The following LRP1B variants were observed in gnomAD, a reference collection of about 807,000 sequenced individuals.
LRP1B encodes the protein LDL receptor related protein 1B.
Under a neutral mutation model 556.6 loss-of-function variants are expected in LRP1B, and 217 were observed. That is an observed-to-expected ratio of 0.39 (90% CI 0.35 to 0.44). LRP1B has a LOEUF of 0.44. Among genes scored for constraint, LRP1B ranks in the 20% least tolerant of loss-of-function variants. The pLI is 1.00. For synonymous variants in LRP1B, 2,047 were observed against 1,865.8 expected, an observed-to-expected ratio of 1.10 and a Z score of -2.50; for missense variants, 5,053 against 5,620.8, an observed-to-expected ratio of 0.90 and a Z score of 3.23.
At chr2:140,831,500 C>G (rs1167425785) in intron 31 of LRP1B, among the ~76,000 whole-genome samples, 1 of 152,106 alleles carries the variant, frequency 6.6e-6, no homozygotes. Context: ...ATTCCTATCT[C>G]TTGCCAAATA....
At chr2:141,530,381 G>A (rs193276940) in intron 2 of LRP1B, among the ~76,000 whole-genome samples, 1 of 152,040 alleles carries the variant, frequency 6.6e-6, no homozygotes, top group Non-Finnish European at 1.5e-5. Flanking sequence ...GGAGGGAACT[G>A]TTCTTTTCAC....
chr2:141,624,039 A>AAAAAAAAT (rs1559185701), intron 2 of LRP1B, among the ~76,000 whole-genome samples: 1 of 148,890 alleles, frequency 6.7e-6, no homozygotes, highest in Non-Finnish European at 1.5e-5. Context: ...AATTAAACAA[A>AAAAAAAAT]AAAAAAAAGA....
chr2:142,032,759 G>C (rs112898421), intron 1 of LRP1B, among the ~76,000 whole-genome samples: 47 of 151,810 alleles, frequency 3.1e-4, no homozygotes, highest in African/African-American at 1.1e-3. Context: ...GGACCATCTT[G>C]GGCTGTCTCT....
At chr2:142,086,528 C>A (rs1435364205) in intron 1 of LRP1B, among the ~76,000 whole-genome samples, 1 of 151,804 alleles carries the variant, frequency 6.6e-6, no homozygotes. Flanking sequence ...ACGTTTGAAC[C>A]CGGGAGGCGG....
At chr2:141,163,121 T>A (rs1255343561) in intron 7 of LRP1B, among the ~76,000 whole-genome samples, 1 of 152,030 alleles carries the variant, frequency 6.6e-6, no homozygotes, top group Non-Finnish European at 1.5e-5. Context: ...TACTTTTCCT[T>A]CTTCCTTTGC....
intron 7 of LRP1B, among the ~76,000 whole-genome samples, chr2:141,080,106 A>G (rs1466848148): frequency 2.0e-5 from 3 of 152,246 alleles, no homozygotes; most frequent in Non-Finnish European, 4.4e-5. Context: ...GCTCACATTC[A>G]GGATATAAAG....
chr2:141,094,807 G>A lies in LRP1B; in HGVS notation c.1014-32534C>T, dbSNP rs541317386. On this transcript the variant is annotated intron_variant, in intron 7 of 90. Transcript: ENST00000389484. ...TAAGTTTAAAAGGATAGAAGCATTC[G>A]CTAAGGATAAAGTTAAGCTCAGATT... Among the ~76,000 whole-genome samples, 13 of 152,268 alleles carry A rather than the reference G, an allele frequency of 8.5e-5. No homozygotes were observed. The East Asian group carries it at 1.2e-3, about 14-fold the overall frequency.
chr2:141,393,957 A>G (rs1317576354), intron 3 of LRP1B, among the ~76,000 whole-genome samples: 1 of 152,096 alleles, frequency 6.6e-6, no homozygotes, highest in African/African-American at 2.4e-5. Flanking sequence ...ATCTTATTTG[A>G]TATACCTAAT....
intron 2 of LRP1B, among the ~76,000 whole-genome samples, chr2:141,677,269 C>A (rs1351952632): frequency 6.6e-6 from 1 of 151,762 alleles, no homozygotes; most frequent in African/African-American, 2.4e-5. Context: ...AAAGAGGAAC[C>A]CAGGGTGGTT....
At chr2:141,378,883 G>A (rs140189912) in intron 3 of LRP1B, among the ~76,000 whole-genome samples, 10 of 152,246 alleles carry the variant, frequency 6.6e-5, no homozygotes, top group African/African-American at 2.4e-4. Context: ...CCTGTGAGAT[G>A]CCACCGAGCA....
At chr2:140,799,793 A>C (rs1220685312) in intron 32 of LRP1B, among the ~76,000 whole-genome samples, 3 of 152,168 alleles carry the variant, frequency 2.0e-5, no homozygotes, top group African/African-American at 7.2e-5. Flanking sequence ...AAGATGGCCA[A>C]ATAGGAACAG....
chr2:141,121,515 T>C (rs1701047768), intron 7 of LRP1B, among the ~76,000 whole-genome samples: 1 of 151,814 alleles, frequency 6.6e-6, no homozygotes, highest in Non-Finnish European at 1.5e-5. Context: ...TCAAAGAGAA[T>C]AAAATACCTA....
chr2:141,385,359 C>T (rs987981566), intron 3 of LRP1B, among the ~76,000 whole-genome samples: 6 of 152,128 alleles, frequency 3.9e-5, no homozygotes, highest in Non-Finnish European at 7.3e-5. Context: ...CAACAATCCA[C>T]AAGTTTTGGG....
At chr2:140,800,485 G>A (rs1461112187) in intron 32 of LRP1B, among the ~76,000 whole-genome samples, 1 of 152,154 alleles carries the variant, frequency 6.6e-6, no homozygotes, top group East Asian at 1.9e-4. Context: ...GAGATTTCTA[G>A]AATAAGCAAT....
intron 3 of LRP1B, among the ~76,000 whole-genome samples, chr2:141,384,981 C>A (rs1192010978): frequency 6.6e-6 from 1 of 152,136 alleles, no homozygotes. Context: ...ACGCTCTGGT[C>A]CCCTGGACCC....
intron 1 of LRP1B, among the ~76,000 whole-genome samples, chr2:141,947,707 CA>C (rs1415987146): frequency 2.0e-5 from 3 of 151,230 alleles, no homozygotes; most frequent in Non-Finnish European, 4.4e-5. Flanking sequence ...GAAAATAGAG[CA>C]ACATGTAAAC....
chr2:140,241,469 A>T (rs115792017), intron 87 of LRP1B, among the ~76,000 whole-genome samples: 4,750 of 150,856 alleles, frequency 0.031, 235 homozygotes, highest in African/African-American at 0.11. Context: ...ATCATTTTTT[A>T]AAAATAGATT....
chr2:141,381,310 A>C (rs971811761), intron 3 of LRP1B, among the ~76,000 whole-genome samples: 8 of 151,954 alleles, frequency 5.3e-5, no homozygotes, highest in African/African-American at 1.9e-4. Flanking sequence ...AAGCAGGAGA[A>C]AGGATCAGTT....
intron 14 of LRP1B, among the ~76,000 whole-genome samples, chr2:141,009,675 C>T (rs1458042392): frequency 6.6e-6 from 1 of 151,938 alleles, no homozygotes; most frequent in African/African-American, 2.4e-5. Flanking sequence ...GTCTGTTATA[C>T]TAGTCCTGTG....
Sources: gnomAD v4.1 joint callset for allele counts (sites outside exome capture counted in the v4.1 genomes callset) on GRCh38, gnomAD v4.1.1 for gene constraint, MANE v1.5 for transcripts, NCBI Gene and HGNC (gene_info 2026-07-23, HGNC 2026-07-21) for gene names.